RBFOX2: variants seen among roughly 807,000 people sequenced by gnomAD.
The protein encoded by RBFOX2 is RNA binding fox-1 homolog 2.
RBFOX2 carries 10 observed loss-of-function variants against 49.1 expected under a neutral mutation model. The observed-to-expected ratio is 0.20, with a 90% CI of 0.13 to 0.35. The LOEUF is 0.35. Ranked by LOEUF, RBFOX2 falls within the 10% of genes least tolerant of loss-of-function variation. The probability of loss-of-function intolerance (pLI) is 1.00; values close to 1 mark genes in which losing one functional copy is unlikely to be tolerated. For synonymous variants in RBFOX2, 183 were observed against 187.4 expected, an observed-to-expected ratio of 0.98 and a Z score of 0.19; for missense variants, 323 against 486.9, an observed-to-expected ratio of 0.66 and a Z score of 3.17.
At chr22:35,911,166 T>C (rs1417241254) in intron 1 of RBFOX2, among the ~76,000 whole-genome samples, 1 of 152,208 alleles carries the variant, frequency 6.6e-6, no homozygotes, top group African/African-American at 2.4e-5. Flanking sequence ...CCTTTCATCC[T>C]GAAGTTTCCC....
chr22:35,924,570 T>C (rs573387107), intron 1 of RBFOX2, among the ~76,000 whole-genome samples: 4 of 152,256 alleles, frequency 2.6e-5, no homozygotes, highest in Non-Finnish European at 5.9e-5. Flanking sequence ...TATTAATTTT[T>C]CATATCGCTC....
chr22:35,747,702 T>C (rs992172186), intron 9 of RBFOX2: 14 of 152,214 alleles, frequency 9.2e-5, no homozygotes, highest in African/African-American at 3.4e-4. Context: ...TTTTTATTAT[T>C]GGCCTTTCAC....
At chr22:35,842,332 T>C (rs191058764), upstream of RBFOX2, among the ~76,000 whole-genome samples, 22 of 152,292 alleles carry the variant, frequency 1.4e-4, no homozygotes, top group African/African-American at 5.3e-4. Context: ...AGTAAAGTAA[T>C]ATAGATAAGT....
intron 1 of RBFOX2, among the ~76,000 whole-genome samples, chr22:35,930,376 T>A (rs2052246196): frequency 6.6e-6 from 1 of 152,128 alleles, no homozygotes; most frequent in Non-Finnish European, 1.5e-5. Context: ...TTTCTCTACA[T>A]AGTAACTCCA....
At chr22:35,803,251 TA>T (rs552400141) in intron 2 of RBFOX2, among the ~76,000 whole-genome samples, 3 of 151,716 alleles carry the variant, frequency 2.0e-5, no homozygotes, top group Non-Finnish European at 4.4e-5. Flanking sequence ...CAATTTTCAT[TA>T]AAAAATTACA....
intron 9 of RBFOX2, chr22:35,747,417 G>C (rs887315999): frequency 2.6e-5 from 4 of 152,198 alleles, no homozygotes; most frequent in Non-Finnish European, 5.9e-5. Context: ...TAGACTCTGA[G>C]CTTTTCTTCC....
intron 2 of RBFOX2, among the ~76,000 whole-genome samples, chr22:35,789,939 T>TG (rs1367028474): frequency 6.6e-6 from 1 of 152,082 alleles, no homozygotes; most frequent in East Asian, 1.9e-4. Context: ...AGTGGAGGCT[T>TG]GGGGGACTTT....
intron 1 of RBFOX2, among the ~76,000 whole-genome samples, chr22:35,872,336 G>T (rs1438884612): frequency 6.6e-6 from 1 of 152,158 alleles, no homozygotes; most frequent in African/African-American, 2.4e-5. Flanking sequence ...TGAAGCCCCA[G>T]TGGGCATGTG....
chr22:35,923,341 C>A (rs1447499096), intron 1 of RBFOX2, among the ~76,000 whole-genome samples: 1 of 146,602 alleles, frequency 6.8e-6, no homozygotes, highest in Non-Finnish European at 1.5e-5. Context: ...TCTTTTTTTT[C>A]TTTTTTCTTT....
chr22:35,936,145 A>AG (rs2053038509), intron 1 of RBFOX2, among the ~76,000 whole-genome samples: 14 of 151,556 alleles, frequency 9.2e-5, no homozygotes, highest in African/African-American at 3.4e-4. Context: ...CCCAGGGGTC[A>AG]AGGCTGCAGT....
intron 1 of RBFOX2, among the ~76,000 whole-genome samples, chr22:35,865,566 TA>T (rs753933444): frequency 2.8e-4 from 43 of 152,132 alleles, no homozygotes; most frequent in South Asian, 1.2e-3. Flanking sequence ...TCTTTATTAT[TA>T]TTTTTTTTTG....
intron 1 of RBFOX2, among the ~76,000 whole-genome samples, chr22:35,921,786 G>A (rs923169654): frequency 6.6e-6 from 1 of 152,216 alleles, no homozygotes; most frequent in Non-Finnish European, 1.5e-5. Flanking sequence ...GACAAATGAA[G>A]AGATGGACAA....
chr22:35,932,551 A>C (rs2052551520), intron 1 of RBFOX2, among the ~76,000 whole-genome samples: 1 of 152,218 alleles, frequency 6.6e-6, no homozygotes, highest in African/African-American at 2.4e-5. Context: ...GAAGAAAAAA[A>C]TATAGTTTTG....
chr22:35,792,263 C>T (rs537432083), intron 2 of RBFOX2, among the ~76,000 whole-genome samples: 1 of 144,750 alleles, frequency 6.9e-6, no homozygotes, highest in South Asian at 2.2e-4. Context: ...TTGCAGTGAG[C>T]CGAGATTATG....
rs769912529 is a variant in RBFOX2 at position 35,762,503 on chromosome 22, CTTTT to C, written c.608-1039_608-1036del. 9.5e-5 allele frequency among the ~76,000 whole-genome samples: 12 copies of C among 126,850 alleles called. No homozygotes were observed. In the South Asian group the frequency reaches 2.2e-3, roughly 23 times the overall value. 83.2% of individuals were successfully genotyped at this position (126,850 alleles called of 152,430 possible). On this transcript the variant is annotated intron_variant, in intron 6 of 11. Transcript: ENST00000405409. Reference sequence around the variant, plus strand: ...AGAAAAAGGCCAGAATTGGCCTCCTCTTTTTTTTTTTTTTTTTTTTTGAGACAGA... The same window carrying C: ...AGAAAAAGGCCAGAATTGGCCTCCTCTTTTTTTTTTTTTTTTTGAGACAGA...
chr22:36,001,041 C>T (rs1603464663), intron 1 of RBFOX2, among the ~76,000 whole-genome samples: 1 of 152,220 alleles, frequency 6.6e-6, no homozygotes, highest in African/African-American at 2.4e-5. Flanking sequence ...AAGGTTTTCC[C>T]ATTAAAGTAC....
exon 1 of RBFOX2, chr22:36,028,381 G>A (rs1445585731): frequency 6.1e-6 from 8 of 1,320,102 alleles, no homozygotes; most frequent in Admixed American, 7.2e-5. Flanking sequence ...CGGCGGCGCC[G>A]GGCCCGAGCT....
intron 1 of RBFOX2, among the ~76,000 whole-genome samples, chr22:36,007,627 C>A: frequency 6.6e-6 from 1 of 152,122 alleles, no homozygotes; most frequent in Non-Finnish European, 1.5e-5. Flanking sequence ...TTTTTATATA[C>A]AATAAAAATT....
chr22:35,838,984 T>C (rs1049405731), intron 1 of RBFOX2, among the ~76,000 whole-genome samples: 57 of 152,182 alleles, frequency 3.7e-4, no homozygotes, highest in Non-Finnish European at 2.6e-4. Context: ...GCCTCCATCC[T>C]GATAACTAGC....
Sources: allele counts gnomAD v4.1 joint callset (sites outside exome capture counted in the v4.1 genomes callset), GRCh38; gene constraint gnomAD v4.1.1; transcripts MANE v1.5; gene names NCBI Gene and HGNC (gene_info 2026-07-23, HGNC 2026-07-21).